The following XDH variants were observed in gnomAD, a reference collection of about 807,000 sequenced individuals.
XDH encodes the protein xanthine dehydrogenase.
XDH carries 138 observed loss-of-function variants against 156.1 expected under a neutral mutation model. That is an observed-to-expected ratio of 0.88 (90% CI 0.77 to 1.02). XDH has a LOEUF of 1.02. Among genes scored for constraint, XDH ranks in the 50% least tolerant of loss-of-function variants. XDH has a pLI of 0.00. For missense variants in XDH, 1,849 were observed against 1,684.9 expected (o/e 1.10, Z -1.71); for synonymous variants, 669 against 625.7 (o/e 1.07, Z -1.03).
intron 6 of XDH, among the ~76,000 whole-genome samples, chr2:31,397,014 C>G (rs888322220): frequency 2.0e-5 from 3 of 152,182 alleles, no homozygotes; most frequent in African/African-American, 7.2e-5. Flanking sequence ...TCAGGATTAA[C>G]GTGGCCCAAT....
At position 31,366,211 on chromosome 2, in the gene XDH, C is replaced by A; in HGVS notation, c.2323-102G>T. The A allele has an allele frequency of 1.9e-6, 3 of 1,588,048 alleles. No homozygotes were observed. In the South Asian group the frequency reaches 3.3e-5, roughly 18 times the overall value. On this transcript the variant is annotated intron_variant, in intron 21 of 35. Coordinates refer to ENST00000379416, the MANE Select transcript of XDH (RefSeq NM_000379.4). ...ACATGCATGGACCTAATTACTGCTG[C>A]GAATTCTGAAATTCCTTGATTGAAA...
At chr2:31,347,673 C>A in intron 28 of XDH, 23 bp from the exon 29 acceptor site, 1 of 1,611,180 alleles carries the variant, frequency 6.2e-7, no homozygotes, top group Non-Finnish European at 8.5e-7. Flanking sequence ...AAGACATTGC[C>A]CTCTAGGGAA....
Position 31,375,567 on chromosome 2 carries a change from A to G in XDH, c.1428-13T>C. ...CTCCTTCCAGAGCCTGCCAGAGAGC[A>G]GGGCGTGGGACAGCGCTCCCGCCCA... On this transcript the variant is annotated splice_polypyrimidine_tract_variant and intron_variant, in intron 14 of 35. Coordinates refer to ENST00000379416, the MANE Select transcript of XDH (RefSeq NM_000379.4). The G allele has an allele frequency of 6.2e-7, 1 of 1,612,284 alleles. No individual in the cohort carries two copies. The highest frequency in any genetic ancestry group is 8.5e-7 in the Non-Finnish European group (1 of 1,179,844).
At position 31,366,897 on chromosome 2, in the gene XDH, C is replaced by A. The variant is rs769847903; in HGVS notation, c.2295G>T (p.Val765=). The change falls in exon 21 of 36, where the codon GTG becomes GTT. Residue 765 remains valine, a synonymous_variant. Transcript: ENST00000379416. The part of the protein sequence containing the change: ...KGEAGEMELF[V]STQNTMKTQS... ...GGGTCTTCATGGTGTTCTGTGTAGA[C>A]ACAAAGAGCTCCATCTCCCCTGCCT... is the stretch of plus-strand genomic sequence containing the variant. The A allele has an allele frequency of 6.2e-7, 1 of 1,614,178 alleles. No homozygotes were observed. The highest frequency in any genetic ancestry group is 8.5e-7 in the Non-Finnish European group (1 of 1,180,024).
At chr2:31,341,120 A>C (rs1685111709) in intron 33 of XDH, among the ~76,000 whole-genome samples, 1 of 152,128 alleles carries the variant, frequency 6.6e-6, no homozygotes, top group Non-Finnish European at 1.5e-5. Flanking sequence ...GCCCTTCCCA[A>C]GTTGACCCAT....
chr2:31,386,562 A>T lies in XDH; in HGVS notation c.652-7T>A, dbSNP rs760754487. ...GAGGAGTGTCTTTCAGCCTCTGGGAAATGCAGTTTTCTTACTACACTGTCT... is the reference window on the plus strand; with the variant it reads ...GAGGAGTGTCTTTCAGCCTCTGGGATATGCAGTTTTCTTACTACACTGTCT... On this transcript the variant is annotated splice_region_variant and splice_polypyrimidine_tract_variant and intron_variant, in intron 8 of 35. Transcript: ENST00000379416. 1.4e-5 allele frequency: 22 copies of T among 1,614,076 alleles called. 1 individual carries two copies. In the South Asian group the frequency reaches 2.4e-4, roughly 18 times the overall value.
intron 17 of XDH, 45 bp from the exon 18 acceptor site, chr2:31,370,523 C>A: frequency 6.2e-7 from 1 of 1,611,826 alleles, no homozygotes. Context: ...CAAGCTGGAG[C>A]AGGGGACCCA....
chr2:31,411,688 G>A (rs781266724), intron 1 of XDH, among the ~76,000 whole-genome samples: 6 of 152,142 alleles, frequency 3.9e-5, no homozygotes, highest in Non-Finnish European at 7.3e-5. Flanking sequence ...ACACTAGTTG[G>A]ACACCTACTG....
chr2:31,346,946 T>A, intron 29 of XDH, 103 bp from the exon 30 acceptor site: 2 of 1,471,974 alleles, frequency 1.4e-6, no homozygotes, highest in Non-Finnish European at 1.9e-6. Flanking sequence ...AGCAATGCTG[T>A]ACCCAGGGTG....
chr2:31,389,712 T>G (rs2147996279), intron 6 of XDH: 1 of 152,306 alleles, frequency 6.6e-6, no homozygotes, highest in Middle Eastern at 3.4e-3. Flanking sequence ...TGACATAAAT[T>G]ACTGTGATGT....
intron 6 of XDH, among the ~76,000 whole-genome samples, chr2:31,395,737 G>C (rs1265887366): frequency 2.0e-5 from 3 of 152,174 alleles, no homozygotes; most frequent in Non-Finnish European, 2.9e-5. Flanking sequence ...CTGCCTGTCT[G>C]TCTCTCCAAT....
intron 30 of XDH, among the ~76,000 whole-genome samples, chr2:31,345,773 T>TTGGGGTTATC (rs1685270419): frequency 6.6e-6 from 1 of 152,186 alleles, no homozygotes; most frequent in Non-Finnish European, 1.5e-5. Context: ...GGTTCATTTA[T>TTGGGGTTATC]TGGGGTTATC....
In XDH at chr2:31,414,142, T is replaced by C. The variant is rs184785332; in HGVS notation, c.42+483A>G. ...GAATCAGGACTGGCTGTTAAACCTA[T>C]ATATATAATATATTAGAATCAAAGG... On this transcript the variant is annotated intron_variant, in intron 1 of 35. Coordinates refer to ENST00000379416, the MANE Select transcript of XDH (RefSeq NM_000379.4). Among the ~76,000 whole-genome samples, 39 of 152,274 alleles carry C rather than the reference T, an allele frequency of 2.6e-4. No individual in the cohort carries two copies. The East Asian group carries it at 7.0e-3, about 27-fold the overall frequency.
intron 30 of XDH, among the ~76,000 whole-genome samples, chr2:31,346,020 G>A (rs1685280139): frequency 6.6e-6 from 1 of 152,196 alleles, no homozygotes; most frequent in African/African-American, 2.4e-5. Flanking sequence ...AAAATGGCAT[G>A]TTTTCTTTAA....
chr2:31,383,993 T>C, intron 9 of XDH, 146 bp from the exon 10 acceptor site: 1 of 785,052 alleles, frequency 1.3e-6, no homozygotes, highest in Non-Finnish European at 2.2e-6. Flanking sequence ...TGTCTGGGAA[T>C]AGGAAACTCA....
chr2:31,379,448 T>C (rs1427587937), intron 13 of XDH, among the ~76,000 whole-genome samples: 1 of 152,196 alleles, frequency 6.6e-6, no homozygotes, highest in Non-Finnish European at 1.5e-5. Flanking sequence ...GACAGCTAGA[T>C]GTGTTCTTGG....
Position 31,371,135 on chromosome 2 carries a change from G to A in XDH, c.1857-657C>T, listed in dbSNP as rs547508520. Among the ~76,000 whole-genome samples the A allele has an allele frequency of 8.1e-4, 123 of 152,314 alleles. 1 individual carries two copies. Among genetic ancestry groups the A allele is most frequent in the African/African-American group, 2.7e-3 (113 of 41,576 alleles). The stretch of plus-strand genomic sequence containing the variant: ...ATAATTAGGCAACACGAACCGCAAA[G>A]GGAGAATGCCCGACTATATGATCAA... On this transcript the variant is annotated intron_variant, in intron 17 of 35. Coordinates refer to ENST00000379416, the MANE Select transcript of XDH (RefSeq NM_000379.4).
At chr2:31,376,472 AT>A (rs1686247420) in intron 14 of XDH, among the ~76,000 whole-genome samples, 1 of 149,180 alleles carries the variant, frequency 6.7e-6, no homozygotes, top group African/African-American at 2.4e-5. Flanking sequence ...AGTAGTAGTA[AT>A]TTCAGTAGCA....
rs768240504 is a variant in XDH, at chr2:31,381,618, C to T, written c.1132+15G>A. 5 of 1,613,798 alleles carry T rather than the reference C, an allele frequency of 3.1e-6. No individual in the cohort carries two copies. The highest frequency in any genetic ancestry group is 4.2e-6 in the Non-Finnish European group (5 of 1,179,796). ...CCAAGTCCTTCTTCCTGGACCTCTG[C>T]TTCAGGCAGCTCACCTCTGGACACA... On this transcript the variant is annotated intron_variant, in intron 12 of 35. Coordinates refer to ENST00000379416, the MANE Select transcript of XDH (RefSeq NM_000379.4).
Sources: gnomAD v4.1 joint callset for allele counts (sites outside exome capture counted in the v4.1 genomes callset) on GRCh38, gnomAD v4.1.1 for gene constraint, MANE v1.5 for transcripts, NCBI Gene and HGNC (gene_info 2026-07-23, HGNC 2026-07-21) for gene names.